WDR89: variants seen among roughly 807,000 people sequenced by gnomAD.
WDR89 encodes WD repeat domain 89, also known as WD repeat-containing protein 89.
In WDR89, 17 loss-of-function variants were observed where a neutral mutation model predicts 29.1. That is an observed-to-expected ratio of 0.58 (90% CI 0.40 to 0.88). WDR89 has a LOEUF of 0.88. Ranked by LOEUF, WDR89 falls within the 40% of genes least tolerant of loss-of-function variation. WDR89 has a pLI of 0.00. For synonymous variants in WDR89, 138 were observed against 157.8 expected, an observed-to-expected ratio of 0.87 and a Z score of 0.94; for missense variants, 396 against 456.3, an observed-to-expected ratio of 0.87 and a Z score of 1.20.
intron 2 of WDR89, among the ~76,000 whole-genome samples, chr14:63,611,183 A>C (rs1444036225): frequency 6.6e-6 from 1 of 151,892 alleles, no homozygotes; most frequent in Non-Finnish European, 1.5e-5. Flanking sequence ...CTAAAAACAC[A>C]AAAATTAGCC....
At position 63,599,569 on chromosome 14, in the gene WDR89, C is replaced by T. The variant is rs773812709; in HGVS notation, c.374G>A (p.Cys125Tyr). The T allele has an allele frequency of 7.4e-6, 12 of 1,614,048 alleles. No individual in the cohort carries two copies. The highest frequency in any genetic ancestry group is 6.7e-5 in the Admixed American group (4 of 59,994). Residue 125 changes from cysteine (C) to tyrosine (Y), a missense_variant, in exon 3 of 3, where the codon TGT (cysteine) becomes TAT (tyrosine). Transcript: ENST00000620954. ...SNIFISFDIN[C>Y]NDHIICAGTE... is the part of the protein sequence containing the mutation. ...ACCAGCACAAATAATATGATCATTA[C>T]AATTAATATCAAAACTGATAAAAAT...
chr14:63,604,468 C>T (rs562987949), intron 2 of WDR89, among the ~76,000 whole-genome samples: 8 of 147,740 alleles, frequency 5.4e-5, no homozygotes, highest in Non-Finnish European at 4.4e-5. Context: ...TTCAAATGTA[C>T]AAAGGTGTAG....
Position 63,610,205 on chromosome 14 carries a change from G to GT in WDR89, c.-31-10233dup, listed in dbSNP as rs1158581699. On this transcript the variant is annotated intron_variant, in intron 2 of 2. Coordinates refer to ENST00000620954, the MANE Select transcript of WDR89 (RefSeq NM_080666.4). ...ACTGCACTCTGGCCGGGGCGACAGA[G>GT]TAAGACTCTGTCTTAAAAAAAAAAA... Among the ~76,000 whole-genome samples the GT allele has an allele frequency of 3.6e-5, 4 of 110,438 alleles. No homozygotes were observed. The South Asian group carries it at 1.0e-3, about 28-fold the overall frequency. The allele number at this position is 110,438 out of a possible 152,430, so 72.5% of individuals were successfully genotyped here.
intron 1 of WDR89, among the ~76,000 whole-genome samples, chr14:63,626,862 A>C (rs1261469213): frequency 2.0e-5 from 3 of 151,822 alleles, no homozygotes; most frequent in Non-Finnish European, 2.9e-5. Flanking sequence ...TCACACCTGT[A>C]ATCCCAGCAC....
chr14:63,609,138 C>CAAA (rs1407473924), intron 2 of WDR89, among the ~76,000 whole-genome samples: 7 of 150,198 alleles, frequency 4.7e-5, no homozygotes, highest in African/African-American at 1.5e-4. Flanking sequence ...AAAACAAAAA[C>CAAA]GAAGACTGGT....
At position 63,638,778 on chromosome 14, in the gene WDR89, T is replaced by C. The variant is rs1296447571; in HGVS notation, c.-138+3026A>G. On this transcript the variant is annotated intron_variant, in intron 1 of 2. Transcript: ENST00000620954. Reference sequence around the variant, plus strand: ...ATTTACTGTGAATTTGTTTTTCTCTTATAGTCCCTGTGAGACTTTATGGGA... The same window carrying C: ...ATTTACTGTGAATTTGTTTTTCTCTCATAGTCCCTGTGAGACTTTATGGGA... Among the ~76,000 whole-genome samples the C allele has an allele frequency of 2.0e-5, 3 of 152,252 alleles. No homozygotes were observed. The East Asian group carries it at 5.8e-4, about 29-fold the overall frequency.
intron 1 of WDR89, among the ~76,000 whole-genome samples, 152 bp from the exon 2 acceptor site, chr14:63,625,185 A>G (rs1273890524): frequency 3.9e-5 from 6 of 152,176 alleles, no homozygotes; most frequent in African/African-American, 1.4e-4. Flanking sequence ...GAAAAAAGGA[A>G]CTAGAGATAT....
At chr14:63,608,202 C>T (rs1018655785) in intron 2 of WDR89, among the ~76,000 whole-genome samples, 3 of 151,908 alleles carry the variant, frequency 2.0e-5, no homozygotes, top group African/African-American at 7.3e-5. Context: ...TGAGACTCTG[C>T]CTCAAAAACA....
chr14:63,634,514 T>C (rs1595040357), intron 1 of WDR89, among the ~76,000 whole-genome samples: 2 of 139,690 alleles, frequency 1.4e-5, no homozygotes, highest in Non-Finnish European at 1.5e-5. Flanking sequence ...AGAGCGAGAC[T>C]CCCTCTCAAA....
Position 63,599,415 on chromosome 14 carries a change from T to C in WDR89, c.528A>G (p.Val176=). The part of the protein sequence containing the change: ...SETHSDDVTQ[V]RFHPSNPNMV... ...TGTTGGGATTGCTGGGATGGAAACG[T>C]ACTTGAGTGACATCATCACTATGTG... is the stretch of plus-strand genomic sequence containing the variant. Residue 176 remains valine, a synonymous_variant, in exon 3 of 3, where the codon GTA becomes GTG. Transcript: ENST00000620954. 6.2e-7 allele frequency: 1 copy of C among 1,614,216 alleles called. No homozygotes were observed. The highest frequency in any genetic ancestry group is 1.1e-5 in the South Asian group (1 of 91,084).
chr14:63,612,798 A>G (rs1237830055), intron 2 of WDR89, among the ~76,000 whole-genome samples: 2 of 152,162 alleles, frequency 1.3e-5, no homozygotes, highest in African/African-American at 4.8e-5. Flanking sequence ...CCTACTTACT[A>G]CTGCAGGAGC....
intron 1 of WDR89, among the ~76,000 whole-genome samples, chr14:63,638,461 G>A (rs8020893): frequency 0.098 from 14,896 of 152,086 alleles, 1,620 homozygotes; most frequent in African/African-American, 0.27. Context: ...TGAAACTACA[G>A]AATAAACAGT....
intron 1 of WDR89, among the ~76,000 whole-genome samples, chr14:63,632,476 T>C (rs1394268430): frequency 6.6e-6 from 1 of 151,734 alleles, no homozygotes; most frequent in Non-Finnish European, 1.5e-5. Context: ...CTTAAAAAAA[T>C]ACAAAAATTA....
intron 2 of WDR89, among the ~76,000 whole-genome samples, chr14:63,623,121 G>A (rs537622188): frequency 2.1e-4 from 31 of 150,704 alleles, no homozygotes; most frequent in African/African-American, 5.6e-4. Context: ...TAACTTGAGC[G>A]TGGGAGACAG....
chr14:63,634,639 G>A (rs1373750613), intron 1 of WDR89, among the ~76,000 whole-genome samples: 1 of 152,144 alleles, frequency 6.6e-6, no homozygotes, highest in African/African-American at 2.4e-5. Flanking sequence ...GGAGGCTGAG[G>A]CAGGCAGATC....
chr14:63,630,825 G>C (rs1357531344), intron 1 of WDR89: 1 of 146,092 alleles, frequency 6.8e-6, no homozygotes, highest in South Asian at 2.2e-4. Flanking sequence ...ACACAGTCTT[G>C]CACTGTTGTC....
intron 1 of WDR89, among the ~76,000 whole-genome samples, chr14:63,629,797 C>T (rs956091498): frequency 6.6e-6 from 1 of 151,970 alleles, no homozygotes; most frequent in Non-Finnish European, 1.5e-5. Context: ...AGAACCAATT[C>T]GGTAAGAAAG....
intron 2 of WDR89, among the ~76,000 whole-genome samples, chr14:63,606,957 G>A (rs1895351407): frequency 6.6e-6 from 1 of 152,128 alleles, no homozygotes; most frequent in African/African-American, 2.4e-5. Flanking sequence ...TTAAGCTATT[G>A]ATCTTCTATG....
chr14:63,619,184 A>G (rs1882512483), intron 2 of WDR89, among the ~76,000 whole-genome samples: 1 of 152,202 alleles, frequency 6.6e-6, no homozygotes, highest in East Asian at 1.9e-4. Context: ...AGCAGCAACA[A>G]GGAGAAAACT....
Sources: gnomAD v4.1 joint callset for allele counts (sites outside exome capture counted in the v4.1 genomes callset) on GRCh38, gnomAD v4.1.1 for gene constraint, MANE v1.5 for transcripts, NCBI Gene and HGNC (gene_info 2026-07-23, HGNC 2026-07-21) for gene names.